The following TM4SF18 variants were observed in gnomAD, a reference collection of about 807,000 sequenced individuals.
TM4SF18 encodes transmembrane 4 L six family member 18, also known as transmembrane 4 L6 family member 18.
A neutral mutation model predicts 23.8 loss-of-function variants in TM4SF18; 22 were observed. The observed-to-expected ratio is 0.92, with a 90% CI of 0.66 to 1.32. The LOEUF is 1.32. Ranked by LOEUF, TM4SF18 falls within the 40% of genes most tolerant of loss-of-function variation. The pLI is 0.00. For synonymous variants in TM4SF18, 87 were observed against 87.9 expected (o/e 0.99, Z 0.06); for missense variants, 255 against 240.3 (o/e 1.06, Z -0.41).
At chr3:149,326,080 A>G (rs1377688621) in intron 3 of TM4SF18, among the ~76,000 whole-genome samples, 1 of 152,128 alleles carries the variant, frequency 6.6e-6, no homozygotes, top group Non-Finnish European at 1.5e-5. Flanking sequence ...TTTCACCCCT[A>G]AATATTTCAG....
intron 4 of TM4SF18, 97 bp from the exon 5 acceptor site, chr3:149,322,533 T>C: frequency 1.0e-6 from 1 of 995,142 alleles, no homozygotes; most frequent in Non-Finnish European, 1.5e-6. Context: ...CTAAAATATA[T>C]AGTTATTAGA....
chr3:149,333,483 T>A, intron 1 of TM4SF18, 30 bp downstream of exon 1: 1 of 517,914 alleles, frequency 1.9e-6, no homozygotes, highest in Non-Finnish European at 2.6e-6. Context: ...TCTCTCTCTC[T>A]TTTTTTTTTT....
intron 4 of TM4SF18, among the ~76,000 whole-genome samples, chr3:149,324,274 G>A (rs941326707): frequency 1.3e-5 from 2 of 152,134 alleles, no homozygotes; most frequent in African/African-American, 4.8e-5. Flanking sequence ...AGCCTTCTGA[G>A]CAAGGCTACC....
rs1730771207 is a variant in TM4SF18, at chr3:149,320,052, G to C, written c.*1426C>G. 1 of 152,352 alleles carries C rather than the reference G, an allele frequency of 6.6e-6. No homozygotes were observed. The highest frequency in any genetic ancestry group is 1.5e-5 in the Non-Finnish European group (1 of 68,164). The allele number at this position is 152,352 out of a possible 1,614,324, so 9.4% of individuals were successfully genotyped here. A position where few individuals can be genotyped will look rare whatever the true frequency, so the allele number is the denominator to read the frequency against. ...CTGTGAACAAGGCTTAAAGGGGGCT[G>C]TTGGCACAGCAGGCATCAAGGAGAA... On this transcript the variant is annotated 3_prime_UTR_variant, in exon 6 of 6. Coordinates refer to ENST00000296059, the MANE Select transcript of TM4SF18 (RefSeq NM_138786.4).
chr3:149,325,165 A>C, intron 3 of TM4SF18, 143 bp from the exon 4 acceptor site: 2 of 712,194 alleles, frequency 2.8e-6, no homozygotes, highest in Non-Finnish European at 4.3e-6. Flanking sequence ...GAAATAAAAA[A>C]AAAAGTAATC....
Position 149,330,422 on chromosome 3 carries a change from A to C in TM4SF18, c.178-3T>G. On this transcript the variant is annotated splice_polypyrimidine_tract_variant and splice_region_variant and intron_variant, in intron 2 of 5. Coordinates refer to ENST00000296059, the MANE Select transcript of TM4SF18 (RefSeq NM_138786.4). ...AGAACTGTTGTTACTATAAGCATCT[A>C]TAGGAGGGAAGACATAAAATGTTAG... The C allele has an allele frequency of 6.4e-7, 1 of 1,569,514 alleles. No individual in the cohort carries two copies. Among genetic ancestry groups the C allele is most frequent in the Non-Finnish European group, 8.7e-7 (1 of 1,145,854 alleles).
intron 3 of TM4SF18, 79 bp from the exon 4 acceptor site, chr3:149,325,101 A>G: frequency 7.0e-7 from 1 of 1,422,104 alleles, no homozygotes; most frequent in Non-Finnish European, 9.7e-7. Flanking sequence ...AGATAGCTAC[A>G]TTCCCCTATT....
At chr3:149,326,837 A>T (rs758093482) in intron 3 of TM4SF18, among the ~76,000 whole-genome samples, 1 of 152,226 alleles carries the variant, frequency 6.6e-6, no homozygotes, top group Admixed American at 6.5e-5. Context: ...GCCCTTTGAC[A>T]TACTCATGTC....
chr3:149,322,107 A>C (rs1730819873), intron 5 of TM4SF18, 149 bp downstream of exon 5: 1 of 659,992 alleles, frequency 1.5e-6, no homozygotes, highest in African/African-American at 1.8e-5. Context: ...TATCAGAAAA[A>C]ATTGAGATAT....
intron 4 of TM4SF18, among the ~76,000 whole-genome samples, 163 bp from the exon 5 acceptor site, chr3:149,322,599 G>A (rs1576830538): frequency 6.6e-6 from 1 of 152,282 alleles, no homozygotes; most frequent in African/African-American, 2.4e-5. Context: ...CATATCTTAT[G>A]CATAGCACTG....
chr3:149,324,852 C>G (rs754891450), intron 4 of TM4SF18, 28 bp downstream of exon 4: 8 of 1,612,308 alleles, frequency 5.0e-6, no homozygotes, highest in Non-Finnish European at 6.8e-6. Flanking sequence ...ATTTTCCGAC[C>G]TCCTTGGTTT....
In TM4SF18 at chr3:149,324,849, G is replaced by A. The variant is rs61094734; in HGVS notation, c.410+31C>T. On this transcript the variant is annotated intron_variant, in intron 4 of 5. Coordinates refer to ENST00000296059, the MANE Select transcript of TM4SF18 (RefSeq NM_138786.4). ...TGAGGCAAGGTGTTTCTGATTTTCCGACCTCCTTGGTTTGGGGAATTATTC... is the reference window on the plus strand; with the variant it reads ...TGAGGCAAGGTGTTTCTGATTTTCCAACCTCCTTGGTTTGGGGAATTATTC... 9.3e-4 allele frequency: 1,497 copies of A among 1,611,802 alleles called. 23 individuals are homozygous for A. In the East Asian group the frequency reaches 0.028, roughly 30 times the overall value.
intron 1 of TM4SF18, 28 bp downstream of exon 1, chr3:149,333,482 CTTT>C (rs1553772228): frequency 9.0e-4 from 214 of 237,184 alleles, no homozygotes; most frequent in South Asian, 1.9e-3. Context: ...CTCTCTCTCT[CTTT>C]TTTTTTTTTT....
chr3:149,324,920 G>T lies in TM4SF18; in HGVS notation c.370C>A (p.Leu124Ile). 1 of 1,614,106 alleles carries T rather than the reference G, an allele frequency of 6.2e-7. No individual in the cohort carries two copies. The highest frequency in any genetic ancestry group is 8.5e-7 in the Non-Finnish European group (1 of 1,179,990). The change falls in exon 4 of 6, where the codon CTT becomes ATT. Residue 124 changes from leucine (L) to isoleucine (I), a missense_variant. Physicochemically the swap from Leu to Ile is conservative, Grantham distance 5. Coordinates refer to ENST00000296059, the MANE Select transcript of TM4SF18 (RefSeq NM_138786.4). ...TCAAAAGCATACTCCCAGCCATCAA[G>T]GGTGCGGCAATATGGCCCTTGGACA... ...GLVQGPYCRT[L>I]DGWEYAFEGT...
At chr3:149,331,316 C>A (rs553090166) in intron 2 of TM4SF18, among the ~76,000 whole-genome samples, 1 of 151,936 alleles carries the variant, frequency 6.6e-6, no homozygotes, top group Non-Finnish European at 1.5e-5. Context: ...GGATTTGATG[C>A]AGTTATAGTA....
chr3:149,327,466 G>GAAA (rs11294221), intron 3 of TM4SF18, among the ~76,000 whole-genome samples: 2 of 139,396 alleles, frequency 1.4e-5, no homozygotes, highest in African/African-American at 5.3e-5. Flanking sequence ...AGCTGGAGAT[G>GAAA]AAAAAAAAAA....
chr3:149,327,424 T>C (rs1019522396), intron 3 of TM4SF18, among the ~76,000 whole-genome samples: 1 of 149,490 alleles, frequency 6.7e-6, no homozygotes, highest in Non-Finnish European at 1.5e-5. Context: ...AAGACACACA[T>C]TGGAGGAAAA....
At chr3:149,332,873 C>T (rs1005130826) in intron 2 of TM4SF18, among the ~76,000 whole-genome samples, 1 of 152,022 alleles carries the variant, frequency 6.6e-6, no homozygotes, top group Non-Finnish European at 1.5e-5. Context: ...AAAATCTGTT[C>T]TAGAAAACAG....
At chr3:149,328,907 T>A (rs2108362190) in intron 3 of TM4SF18, among the ~76,000 whole-genome samples, 1 of 152,342 alleles carries the variant, frequency 6.6e-6, no homozygotes, top group South Asian at 2.1e-4. Flanking sequence ...AATTTAATGC[T>A]GATTATAAGA....
Sources: gnomAD v4.1 joint callset for allele counts (sites outside exome capture counted in the v4.1 genomes callset) on GRCh38, gnomAD v4.1.1 for gene constraint, MANE v1.5 for transcripts, NCBI Gene and HGNC (gene_info 2026-07-23, HGNC 2026-07-21) for gene names.